The following ALK variants were observed in gnomAD, a reference collection of about 807,000 sequenced individuals.
The protein encoded by ALK is ALK tyrosine kinase receptor.
In ALK, 74 loss-of-function variants were observed where a neutral mutation model predicts 163.1. The ratio of observed to expected loss-of-function variants is 0.45; its 90% CI spans 0.38 to 0.55. ALK has a LOEUF of 0.55. Among genes scored for constraint, ALK ranks in the 20% least tolerant of loss-of-function variants. The probability of loss-of-function intolerance (pLI) is 0.00; values close to 1 mark genes in which losing one functional copy is unlikely to be tolerated. For synonymous variants in ALK, 960 were observed against 843.2 expected, an observed-to-expected ratio of 1.14 and a Z score of -2.40; for missense variants, 2,063 against 2,105.3, an observed-to-expected ratio of 0.98 and a Z score of 0.39.
intron 9 of ALK, among the ~76,000 whole-genome samples, chr2:29,285,541 G>A (rs542639538): frequency 6.7e-6 from 1 of 150,232 alleles, no homozygotes; most frequent in African/African-American, 2.4e-5. Flanking sequence ...TTACAGGTGT[G>A]AGCCATGGTG....
chr2:29,312,650 G>A (rs1666724821), intron 8 of ALK, among the ~76,000 whole-genome samples: 1 of 152,178 alleles, frequency 6.6e-6, no homozygotes, highest in Non-Finnish European at 1.5e-5. Flanking sequence ...TTTCTGATAG[G>A]CCCAACATTA....
intron 5 of ALK, among the ~76,000 whole-genome samples, chr2:29,361,927 T>TTCA (rs1668397558): frequency 6.6e-6 from 1 of 152,224 alleles, no homozygotes; most frequent in Admixed American, 6.5e-5. Context: ...CCCATCCTTT[T>TTCA]TCATCACTTC....
chr2:29,703,262 C>T (rs974712996), intron 2 of ALK, among the ~76,000 whole-genome samples: 1 of 152,180 alleles, frequency 6.6e-6, no homozygotes, highest in Admixed American at 6.5e-5. Context: ...CAGAGCCTGA[C>T]GCTGGGCCTG....
chr2:29,651,975 A>G lies in ALK; in HGVS notation c.952+42875T>C, dbSNP rs140640058. On this transcript the variant is annotated intron_variant, in intron 3 of 28. Transcript: ENST00000389048. ...AGTGTACAGGATGCTATGGGCATCA[A>G]TCAAGATAATTTACAGAGTGTTCTG... Among the ~76,000 whole-genome samples the G allele has an allele frequency of 3.7e-3, 561 of 152,284 alleles. 7 individuals are homozygous for G. Among genetic ancestry groups the G allele is most frequent in the Non-Finnish European group, 2.8e-3 (189 of 68,014 alleles).
intron 13 of ALK, 146 bp downstream of exon 13, chr2:29,239,534 T>C: frequency 9.6e-7 from 1 of 1,041,458 alleles, no homozygotes; most frequent in Non-Finnish European, 1.4e-6. Flanking sequence ...GCTGGGAGTT[T>C]GCAAAGCTGC....
rs796427370 is a variant in ALK, at chr2:29,688,083, G to A, written c.952+6767C>T. ...GTTGTCAGTAGCATTCAACCAAGAA[G>A]TTCTTTCTTTCCTCTCCAAGTGATG... is the stretch of plus-strand genomic sequence containing the variant. On this transcript the variant is annotated intron_variant, in intron 3 of 28. Coordinates refer to ENST00000389048, the MANE Select transcript of ALK (RefSeq NM_004304.5). Among the ~76,000 whole-genome samples the A allele has an allele frequency of 3.3e-5, 5 of 152,312 alleles. No individual in the cohort carries two copies. The East Asian group carries it at 9.6e-4, about 29-fold the overall frequency.
In ALK at chr2:29,223,450, C is replaced by T. The variant is rs760151617; in HGVS notation, c.3251G>A (p.Arg1084His). Residue 1084 changes from arginine to histidine, a missense_variant, in exon 20 of 29, where the codon CGC (arginine) becomes CAC (histidine). Arg to His is a conservative substitution (Grantham distance 29, BLOSUM62 0). Coordinates refer to ENST00000389048, the MANE Select transcript of ALK (RefSeq NM_004304.5). ...QSPEYKLSKLRTSTIMTDYNP... is the reference protein window; with the variant it reads ...QSPEYKLSKLHTSTIMTDYNP... ...GTAGTCGGTCATGATGGTCGAGGTG[C>T]GGAGCTTGCTCAGCTTGTACTCAGG... The T allele has an allele frequency of 1.3e-5, 21 of 1,614,060 alleles. No homozygotes were observed. Among genetic ancestry groups the T allele is most frequent in the Admixed American group, 1.0e-4 (6 of 60,012 alleles).
At chr2:29,856,864 A>G (rs897995145) in intron 1 of ALK, among the ~76,000 whole-genome samples, 1 of 152,232 alleles carries the variant, frequency 6.6e-6, no homozygotes, top group Non-Finnish European at 1.5e-5. Flanking sequence ...AGGGCGCTGA[A>G]TTGGATGACC....
At chr2:29,234,414 A>C (rs1215928495) in intron 13 of ALK, among the ~76,000 whole-genome samples, 1 of 152,020 alleles carries the variant, frequency 6.6e-6, no homozygotes, top group African/African-American at 2.4e-5. Flanking sequence ...GGAGAGAAAA[A>C]AACCAGCAAG....
chr2:29,244,485 C>T lies in ALK; in HGVS notation c.2205-4655G>A, dbSNP rs190848372. ...TTCTCAGTGGGGCCGGCCCAGGTTC[C>T]ACTCCTGTTGCATCAGTGAGCAAGG... On this transcript the variant is annotated intron_variant, in intron 12 of 28. Transcript: ENST00000389048. Among the ~76,000 whole-genome samples the T allele has an allele frequency of 4.3e-4, 65 of 152,294 alleles. 1 individual carries two copies. The highest frequency in any genetic ancestry group is 1.4e-3 in the African/African-American group (58 of 41,572).
intron 4 of ALK, among the ~76,000 whole-genome samples, chr2:29,409,641 C>A (rs534736314): frequency 6.6e-6 from 1 of 152,204 alleles, no homozygotes; most frequent in South Asian, 2.1e-4. Context: ...ATGATCACCA[C>A]TGGCTGAGCC....
chr2:29,628,515 C>A (rs1676262955), intron 3 of ALK, among the ~76,000 whole-genome samples: 1 of 152,142 alleles, frequency 6.6e-6, no homozygotes, highest in Non-Finnish European at 1.5e-5. Flanking sequence ...TTTTCTTGGA[C>A]AGAATTCAGT....
At chr2:29,632,143 C>A (rs1676396177) in intron 3 of ALK, among the ~76,000 whole-genome samples, 2 of 152,180 alleles carry the variant, frequency 1.3e-5, no homozygotes, top group South Asian at 4.1e-4. Flanking sequence ...TGGTAACTCC[C>A]AGAGGGCATG....
At chr2:29,290,405 G>C (rs1183484257) in intron 9 of ALK, among the ~76,000 whole-genome samples, 1 of 152,228 alleles carries the variant, frequency 6.6e-6, no homozygotes, top group Non-Finnish European at 1.5e-5. Flanking sequence ...GTCCAGCAGA[G>C]GGTCAGTAGG....
chr2:29,694,794 G>A (rs201130530), intron 3 of ALK, 56 bp downstream of exon 3: 4 of 1,600,126 alleles, frequency 2.5e-6, no homozygotes, highest in African/African-American at 1.3e-5. Context: ...AACAGAAATA[G>A]GTATTCCAGC....
At chr2:29,619,055 T>G (rs999112531) in intron 3 of ALK, among the ~76,000 whole-genome samples, 3 of 151,812 alleles carry the variant, frequency 2.0e-5, no homozygotes, top group African/African-American at 7.3e-5. Context: ...AAATAAGTAT[T>G]AAGAAAATGA....
At chr2:29,241,246 C>T (rs1664515502) in intron 12 of ALK, among the ~76,000 whole-genome samples, 1 of 152,100 alleles carries the variant, frequency 6.6e-6, no homozygotes, top group Admixed American at 6.5e-5. Flanking sequence ...AGAAGTCTCA[C>T]CATAGGGTGG....
chr2:29,834,384 C>T (rs1558510564), intron 1 of ALK, among the ~76,000 whole-genome samples: 1 of 152,164 alleles, frequency 6.6e-6, no homozygotes, highest in Non-Finnish European at 1.5e-5. Flanking sequence ...ATTTTCTCAA[C>T]TGATTTGACA....
intron 1 of ALK, among the ~76,000 whole-genome samples, chr2:29,723,735 TG>T (rs1558460154): frequency 1.3e-5 from 2 of 152,238 alleles, no homozygotes; most frequent in East Asian, 3.8e-4. Flanking sequence ...AGATAATGTG[TG>T]CATGACACAG....
Sources: gnomAD v4.1 joint callset for allele counts (sites outside exome capture counted in the v4.1 genomes callset) on GRCh38, gnomAD v4.1.1 for gene constraint, MANE v1.5 for transcripts, NCBI Gene and HGNC (gene_info 2026-07-23, HGNC 2026-07-21) for gene names.